ALK: variants seen among roughly 807,000 people sequenced by gnomAD.
The protein encoded by ALK is ALK tyrosine kinase receptor.
ALK carries 74 observed loss-of-function variants against 163.1 expected under a neutral mutation model. The observed-to-expected ratio is 0.45, with a 90% CI of 0.38 to 0.55. ALK has a LOEUF of 0.55. Ranked by LOEUF, ALK falls within the 20% of genes least tolerant of loss-of-function variation. The pLI is 0.00. For missense variants in ALK, 2,063 were observed against 2,105.3 expected (o/e 0.98, Z 0.39); for synonymous variants, 960 against 843.2 (o/e 1.14, Z -2.40).
intron 1 of ALK, among the ~76,000 whole-genome samples, chr2:29,770,769 T>C (rs1356933975): frequency 1.3e-5 from 2 of 151,896 alleles, no homozygotes; most frequent in Admixed American, 6.6e-5. Flanking sequence ...ACAGGAAATA[T>C]AAGAAAAGCA....
intron 15 of ALK, among the ~76,000 whole-genome samples, chr2:29,229,706 C>T (rs189478860): frequency 1.3e-4 from 20 of 152,224 alleles, no homozygotes; most frequent in East Asian, 9.7e-4. Flanking sequence ...AGTGAGTGTA[C>T]GAAATGCTCC....
At chr2:29,266,061 G>A (rs922510473) in intron 11 of ALK, among the ~76,000 whole-genome samples, 17 of 152,192 alleles carry the variant, frequency 1.1e-4, no homozygotes, top group African/African-American at 3.9e-4. Flanking sequence ...CTTCAAATTT[G>A]TTTAAAAGAA....
rs138953885 is a variant in ALK, at chr2:29,605,391, G to T, written c.953-73275C>A. Among the ~76,000 whole-genome samples, 818 of 152,290 alleles carry T rather than the reference G, an allele frequency of 5.4e-3. 4 individuals are homozygous for T. Among genetic ancestry groups the T allele is most frequent in the Middle Eastern group, 0.017 (5 of 294 alleles). ...GGGGTTGTGGAGGCCTGTCATAAAT[G>T]ACCAGGATTGAAAGGGGCCTTAAAA... On this transcript the variant is annotated intron_variant, in intron 3 of 28. Coordinates refer to ENST00000389048, the MANE Select transcript of ALK (RefSeq NM_004304.5).
chr2:29,536,124 T>C lies in ALK; in HGVS notation c.953-4008A>G, dbSNP rs183755248. Among the ~76,000 whole-genome samples, 249 of 152,324 alleles carry C rather than the reference T, an allele frequency of 1.6e-3. 2 individuals carry two copies. The highest frequency in any genetic ancestry group is 2.1e-3 in the Non-Finnish European group (143 of 68,030). ...TGCTTGCCACATGGTAGGTACTCAA[T>C]GATCCTAAAAATCAAATTGATATGA... On this transcript the variant is annotated intron_variant, in intron 3 of 28. Transcript: ENST00000389048.
chr2:29,448,874 T>C (rs1307672526), intron 4 of ALK, among the ~76,000 whole-genome samples: 1 of 152,166 alleles, frequency 6.6e-6, no homozygotes, highest in African/African-American at 2.4e-5. Flanking sequence ...TCTCCTTCAG[T>C]TTCTGGTTTA....
intron 9 of ALK, among the ~76,000 whole-genome samples, chr2:29,283,239 A>G (rs192683037): frequency 6.6e-6 from 1 of 152,326 alleles, no homozygotes; most frequent in Non-Finnish European, 1.5e-5. Context: ...TTTTCCCATC[A>G]TCTCTTGCAG....
At chr2:29,691,260 A>G (rs10177723) in intron 3 of ALK, among the ~76,000 whole-genome samples, 60,934 of 152,044 alleles carry the variant, frequency 0.4, 12,547 homozygotes, top group South Asian at 0.55. Context: ...TGACCTCCTC[A>G]TTTCCGTGAC....
intron 3 of ALK, among the ~76,000 whole-genome samples, chr2:29,629,098 C>T (rs982354015): frequency 6.6e-6 from 1 of 152,152 alleles, no homozygotes; most frequent in African/African-American, 2.4e-5. Flanking sequence ...CTGCCTAGTT[C>T]TGCATACACA....
intron 8 of ALK, among the ~76,000 whole-genome samples, chr2:29,300,256 T>C (rs1348510589): frequency 6.6e-6 from 1 of 151,948 alleles, no homozygotes; most frequent in Non-Finnish European, 1.5e-5. Context: ...ATAATAGAGA[T>C]GCACATACCT....
At chr2:29,815,011 C>T (rs553738319) in intron 1 of ALK, among the ~76,000 whole-genome samples, 11 of 143,336 alleles carry the variant, frequency 7.7e-5, no homozygotes, top group African/African-American at 1.8e-4. Context: ...AATGAGTGGA[C>T]GGACTCGGCC....
intron 1 of ALK, among the ~76,000 whole-genome samples, chr2:29,717,939 T>A (rs960405162): frequency 2.0e-5 from 3 of 152,220 alleles, no homozygotes; most frequent in African/African-American, 7.2e-5. Flanking sequence ...ATGCTGAGGA[T>A]CTCTGGGAGA....
At chr2:29,364,967 G>A (rs895240182) in intron 5 of ALK, among the ~76,000 whole-genome samples, 1 of 152,174 alleles carries the variant, frequency 6.6e-6, no homozygotes, top group Non-Finnish European at 1.5e-5. Context: ...GTGTTACATA[G>A]GTTGTCTCAC....
chr2:29,238,659 G>A (rs933178190), intron 13 of ALK, among the ~76,000 whole-genome samples: 1 of 152,100 alleles, frequency 6.6e-6, no homozygotes, highest in South Asian at 2.1e-4. Context: ...AAGCCACAGC[G>A]AAGACCAGTC....
chr2:29,895,721 A>G (rs1241882044), intron 1 of ALK, among the ~76,000 whole-genome samples: 1 of 152,180 alleles, frequency 6.6e-6, no homozygotes, highest in Non-Finnish European at 1.5e-5. Context: ...AGCCATCTCA[A>G]TTCAACAGTT....
At chr2:29,449,111 T>C (rs1436712037) in intron 4 of ALK, among the ~76,000 whole-genome samples, 1 of 152,228 alleles carries the variant, frequency 6.6e-6, no homozygotes, top group Non-Finnish European at 1.5e-5. Flanking sequence ...TGTCTTGCCA[T>C]GCCATATCAT....
intron 1 of ALK, among the ~76,000 whole-genome samples, chr2:29,732,552 G>C (rs1679774212): frequency 6.6e-6 from 1 of 152,168 alleles, no homozygotes. Context: ...ATGTGTTTAT[G>C]GGTTGTTGAC....
At chr2:29,458,605 A>C (rs548660532) in intron 4 of ALK, among the ~76,000 whole-genome samples, 1 of 152,098 alleles carries the variant, frequency 6.6e-6, no homozygotes, top group African/African-American at 2.4e-5. Context: ...GGAATTTCCT[A>C]TTGTTCCCTG....
rs543662153 is a variant in ALK at position 29,533,809 on chromosome 2, C to A, written c.953-1693G>T. On this transcript the variant is annotated intron_variant, in intron 3 of 28. Coordinates refer to ENST00000389048, the MANE Select transcript of ALK (RefSeq NM_004304.5). ...GTGCACAGATGTCTGCAAGAACTAT[C>A]AGCACAAATAGAGGTCATAAAGTCA... is the stretch of plus-strand genomic sequence containing the variant. 4.6e-5 allele frequency among the ~76,000 whole-genome samples: 7 copies of A among 152,268 alleles called. No individual in the cohort carries two copies. In the East Asian group the frequency reaches 1.4e-3, roughly 29 times the overall value.
intron 4 of ALK, among the ~76,000 whole-genome samples, chr2:29,490,444 C>T (rs940293410): frequency 2.0e-5 from 3 of 152,172 alleles, no homozygotes; most frequent in Admixed American, 6.5e-5. Context: ...AGTGTGGTCC[C>T]TAGATCAGCG....
Sources: allele counts gnomAD v4.1 joint callset (sites outside exome capture counted in the v4.1 genomes callset), GRCh38; gene constraint gnomAD v4.1.1; transcripts MANE v1.5; gene names NCBI Gene and HGNC (gene_info 2026-07-23, HGNC 2026-07-21).